ESYT2: variants seen among roughly 807,000 people sequenced by gnomAD.
ESYT2 encodes extended synaptotagmin-2.
ESYT2 carries 54 observed loss-of-function variants against 107.2 expected under a neutral mutation model. The observed-to-expected ratio is 0.50, with a 90% CI of 0.40 to 0.63. The LOEUF (loss-of-function observed/expected upper bound fraction) is 0.63. Ranked by LOEUF, ESYT2 falls within the 30% of genes least tolerant of loss-of-function variation. The pLI is 0.00. For synonymous variants in ESYT2, 491 were observed against 434.1 expected, an observed-to-expected ratio of 1.13 and a Z score of -1.63; for missense variants, 1,020 against 1,094.5, an observed-to-expected ratio of 0.93 and a Z score of 0.96.
At chr7:158,827,694 TTCTAATTCTTGTTTGCCA>T (rs1372825560) in intron 1 of ESYT2, 1 of 152,228 alleles carries the variant, frequency 6.6e-6, no homozygotes, top group Non-Finnish European at 1.5e-5. Flanking sequence ...CACGCCTCCT[TTCTAATTCTTGTTTGCCA>T]TCTGTGTCAT....
chr7:158,782,058 C>T (rs546395576), intron 6 of ESYT2, among the ~76,000 whole-genome samples: 62 of 146,066 alleles, frequency 4.2e-4, no homozygotes, highest in African/African-American at 1.5e-3. Flanking sequence ...TGTGAGTGAA[C>T]GTGTGAAGTG....
intron 4 of ESYT2, among the ~76,000 whole-genome samples, chr7:158,790,077 G>T (rs572166244): frequency 4.6e-5 from 7 of 152,234 alleles, no homozygotes; most frequent in Admixed American, 1.3e-4. Context: ...GCGTCCTCCT[G>T]GGGCACTGCC....
intron 1 of ESYT2, among the ~76,000 whole-genome samples, chr7:158,801,550 G>T (rs1839646419): frequency 6.6e-6 from 1 of 152,090 alleles, no homozygotes; most frequent in Non-Finnish European, 1.5e-5. Flanking sequence ...ACATCACAGA[G>T]AAAGACTGGG....
chr7:158,815,215 C>T (rs1012394330), intron 1 of ESYT2, among the ~76,000 whole-genome samples: 2 of 152,172 alleles, frequency 1.3e-5, no homozygotes, highest in African/African-American at 2.4e-5. Context: ...CACGGTCTTC[C>T]GCCTCTCGCT....
intron 13 of ESYT2, among the ~76,000 whole-genome samples, chr7:158,755,049 G>T (rs1837705077): frequency 6.6e-6 from 1 of 152,170 alleles, no homozygotes; most frequent in Non-Finnish European, 1.5e-5. Flanking sequence ...ATCAAAAGAA[G>T]GAGGGCAAAG....
chr7:158,813,204 T>C (rs773538882), intron 1 of ESYT2, among the ~76,000 whole-genome samples: 1 of 152,188 alleles, frequency 6.6e-6, no homozygotes, highest in Non-Finnish European at 1.5e-5. Context: ...AATTCCAATA[T>C]ATGACATTCT....
intron 6 of ESYT2, among the ~76,000 whole-genome samples, chr7:158,777,928 C>T (rs867683920): frequency 3.3e-5 from 5 of 152,296 alleles, no homozygotes; most frequent in African/African-American, 4.8e-5. Flanking sequence ...ACATGCTGTT[C>T]GCTTCACAGC....
intron 3 of ESYT2, among the ~76,000 whole-genome samples, chr7:158,796,737 G>C (rs1839470482): frequency 2.6e-5 from 4 of 152,190 alleles, no homozygotes; most frequent in Non-Finnish European, 2.9e-5. Context: ...GTGCGGGCGA[G>C]AGGGAAGCAG....
chr7:158,806,135 CCGGG>C lies in ESYT2; in HGVS notation c.331-7067_331-7064del, dbSNP rs1839826467. On this transcript the variant is annotated intron_variant, in intron 1 of 22. Coordinates refer to ENST00000275418, the MANE Select transcript of ESYT2 (RefSeq NM_001367773.1). ...GCCGGGGCACACCGCGTGGGAGGTG[CCGGG>C]GCACACCGCGTAGGAGGCGCTGGCG... 7.4e-5 allele frequency among the ~76,000 whole-genome samples: 11 copies of C among 148,752 alleles called. No homozygotes were observed. The East Asian group carries it at 2.1e-3, about 29-fold the overall frequency.
chr7:158,743,484 C>T (rs1422383756), intron 17 of ESYT2, 45 bp downstream of exon 17: 12 of 1,566,478 alleles, frequency 7.7e-6, no homozygotes, highest in African/African-American at 1.4e-5. Flanking sequence ...TGCCAGCACC[C>T]GCCTCCCCAT....
intron 4 of ESYT2, among the ~76,000 whole-genome samples, chr7:158,790,920 T>A (rs1007467917): frequency 6.6e-6 from 1 of 152,126 alleles, no homozygotes; most frequent in Non-Finnish European, 1.5e-5. Flanking sequence ...AGAGTGAGAC[T>A]CTGTCTCAAA....
chr7:158,794,259 C>G (rs1050051601), intron 3 of ESYT2, among the ~76,000 whole-genome samples: 1 of 152,120 alleles, frequency 6.6e-6, no homozygotes, highest in Non-Finnish European at 1.5e-5. Flanking sequence ...TTTGGGATAC[C>G]AAGGCAGAGG....
chr7:158,757,113 A>C (rs1227743394), intron 13 of ESYT2, among the ~76,000 whole-genome samples: 1 of 152,142 alleles, frequency 6.6e-6, no homozygotes, highest in East Asian at 1.9e-4. Flanking sequence ...CTTCTCTACT[A>C]GCCAGGGTTG....
intron 3 of ESYT2, among the ~76,000 whole-genome samples, chr7:158,795,140 G>A (rs992871393): frequency 1.3e-5 from 2 of 152,206 alleles, no homozygotes; most frequent in African/African-American, 4.8e-5. Context: ...TTGCCCAGCT[G>A]CCGGGAGTCT....
chr7:158,794,782 T>C (rs952611018), intron 3 of ESYT2, among the ~76,000 whole-genome samples: 2 of 152,184 alleles, frequency 1.3e-5, no homozygotes, highest in Non-Finnish European at 2.9e-5. Flanking sequence ...GTCTCAAAAA[T>C]GAAAGAAGCA....
rs147060839 is a variant in ESYT2 at position 158,782,385 on chromosome 7, G to GGTGAGTGTGAGAACAAAGTGAGGTGAGT, written c.747+5618_747+5619insACTCACCTCACTTTGTTCTCACACTCAC. Reference sequence around the variant, plus strand: ...GTGAACGAGTGTGAGAACAAAGTGAGGTAAGAACGAGAACAAGTGAGTGAA... The same window carrying GGTGAGTGTGAGAACAAAGTGAGGTGAGT: ...GTGAACGAGTGTGAGAACAAAGTGAGGTGAGTGTGAGAACAAAGTGAGGTGAGTGTAAGAACGAGAACAAGTGAGTGAA... On this transcript the variant is annotated intron_variant, in intron 6 of 22. Transcript: ENST00000275418. Among the ~76,000 whole-genome samples the GGTGAGTGTGAGAACAAAGTGAGGTGAGT allele has an allele frequency of 1.0e-4, 9 of 86,630 alleles. 1 individual carries two copies. The highest frequency in any genetic ancestry group is 1.5e-4 in the Non-Finnish European group (5 of 33,820). The allele number at this position is 86,630 out of a possible 152,430, so 56.8% of individuals were successfully genotyped here.
intron 4 of ESYT2, among the ~76,000 whole-genome samples, chr7:158,790,151 A>G (rs1839241111): frequency 1.3e-5 from 2 of 152,180 alleles, no homozygotes; most frequent in South Asian, 4.1e-4. Context: ...TTGCCCTAGC[A>G]CCAAATATTT....
chr7:158,756,200 G>C (rs1030106727), intron 13 of ESYT2, among the ~76,000 whole-genome samples: 5 of 152,174 alleles, frequency 3.3e-5, no homozygotes, highest in Admixed American at 3.3e-4. Flanking sequence ...CAACTGGGCC[G>C]TAAGAATCTC....
chr7:158,819,863 T>C (rs1023960917), intron 1 of ESYT2, among the ~76,000 whole-genome samples: 2 of 152,192 alleles, frequency 1.3e-5, no homozygotes, highest in African/African-American at 4.8e-5. Flanking sequence ...TCAGTTTCAA[T>C]GACAATTTTA....
Sources: allele counts gnomAD v4.1 joint callset (sites outside exome capture counted in the v4.1 genomes callset), GRCh38; gene constraint gnomAD v4.1.1; transcripts MANE v1.5; gene names NCBI Gene and HGNC (gene_info 2026-07-23, HGNC 2026-07-21).